PPL: variants seen among roughly 807,000 people sequenced by gnomAD.
PPL encodes the protein 190 kDa paraneoplastic pemphigus antigen.
PPL carries 198 observed loss-of-function variants against 194.4 expected under a neutral mutation model. The observed-to-expected ratio is 1.02, with a 90% CI of 0.91 to 1.15. The LOEUF is 1.15. Among genes scored for constraint, PPL ranks in the 50% most tolerant of loss-of-function variants. The pLI, the probability that PPL is intolerant of heterozygous loss-of-function variation, is 0.00. For missense variants in PPL, 2,885 were observed against 2,294.8 expected, an observed-to-expected ratio of 1.26 and a Z score of -5.25; for synonymous variants, 1,220 against 972.4, an observed-to-expected ratio of 1.25 and a Z score of -4.74.
At chr16:4,936,745 G>A (rs2089304564) in intron 1 of PPL, among the ~76,000 whole-genome samples, 1 of 152,154 alleles carries the variant, frequency 6.6e-6, no homozygotes, top group South Asian at 2.1e-4. Context: ...TGGGCTCCCG[G>A]AGTCCCCTGT....
chr16:4,934,553 A>T (rs1420986377), intron 1 of PPL, among the ~76,000 whole-genome samples: 1 of 152,168 alleles, frequency 6.6e-6, no homozygotes, highest in Non-Finnish European at 1.5e-5. Context: ...TGGAGATGCC[A>T]GGATCAACAG....
chr16:4,936,284 C>T (rs1009564875), intron 1 of PPL, among the ~76,000 whole-genome samples: 15 of 152,210 alleles, frequency 9.9e-5, no homozygotes, highest in Non-Finnish European at 7.4e-5. Context: ...GCCCAACCTC[C>T]GCTCAGAACC....
chr16:4,900,470 TG>T (rs1198445774), intron 6 of PPL, among the ~76,000 whole-genome samples: 3 of 114,852 alleles, frequency 2.6e-5, no homozygotes, highest in Non-Finnish European at 5.5e-5. Context: ...GGCAGGGTTT[TG>T]CTCTGTTTCC....
chr16:4,923,791 T>G (rs2089101307), intron 1 of PPL, among the ~76,000 whole-genome samples: 1 of 152,122 alleles, frequency 6.6e-6, no homozygotes, highest in African/African-American at 2.4e-5. Flanking sequence ...ATAACCCTTA[T>G]AAATGAAAGC....
Position 4,899,241 on chromosome 16 carries a change from G to T in PPL, c.750C>A (p.Ser250Arg). Reference protein sequence around the residue: ...DWSDRNLDYPSRRRQYENFIN... With the variant: ...DWSDRNLDYPRRRRQYENFIN... Reference sequence around the variant, plus strand: ...AACCCACCTCATACTGGCGCCGGCGGCTGGGGTAGTCGAGGTTGCGGTCAC... The same window carrying T: ...AACCCACCTCATACTGGCGCCGGCGTCTGGGGTAGTCGAGGTTGCGGTCAC... The change falls in exon 7 of 22, where the codon AGC becomes AGA. Residue 250 changes from serine (S) to arginine (R), a missense_variant. Coordinates refer to ENST00000345988, the MANE Select transcript of PPL (RefSeq NM_002705.5). 6.2e-7 allele frequency: 1 copy of T among 1,613,914 alleles called. No homozygotes were observed. Among genetic ancestry groups the T allele is most frequent in the South Asian group, 1.1e-5 (1 of 91,076 alleles).
chr16:4,885,008 A>G lies in PPL; in HGVS notation c.3647T>C (p.Leu1216Pro), dbSNP rs778150866. 1 of 1,613,964 alleles carries G rather than the reference A, an allele frequency of 6.2e-7. No individual in the cohort carries two copies. Among genetic ancestry groups the G allele is most frequent in the Non-Finnish European group, 8.5e-7 (1 of 1,180,024 alleles). Residue 1216 changes from leucine (L) to proline (P), a missense_variant, in exon 22 of 22, where the codon CTG becomes CCG. By Grantham distance (98) the Leu-to-Pro change is moderately conservative. Transcript: ENST00000345988. The surrounding 1 kb of genome is among the most constrained non-coding windows in gnomAD (Gnocchi z 6.3). The part of the protein sequence containing the change: ...EEQLRSYQSE[L>P]EALRRRGPQV... ...GGGGCCTCGCCTCCTGAGGGCCTCC[A>G]GCTCACTCTGGTAGCTCCGGAGCTG...
At chr16:4,926,878 C>CA (rs71402575) in intron 1 of PPL, among the ~76,000 whole-genome samples, 1,771 of 81,736 alleles carry the variant, frequency 0.022, 65 homozygotes, top group African/African-American at 0.059. Flanking sequence ...GACTCTGTCT[C>CA]AAAAAAAAAA....
intron 1 of PPL, among the ~76,000 whole-genome samples, chr16:4,913,877 G>A (rs947563368): frequency 2.0e-5 from 3 of 152,176 alleles, no homozygotes; most frequent in African/African-American, 7.2e-5. Context: ...CCTGCTGTGT[G>A]CGGGCCCTGC....
intron 1 of PPL, among the ~76,000 whole-genome samples, chr16:4,914,169 G>A (rs563958169): frequency 2.3e-4 from 35 of 152,326 alleles, no homozygotes; most frequent in African/African-American, 8.2e-4. Context: ...ACGTCCCGTG[G>A]GGTGGGCCAG....
intron 2 of PPL, 46 bp downstream of exon 2, chr16:4,910,804 T>A (rs1228474132): frequency 1.3e-6 from 2 of 1,507,094 alleles, no homozygotes; most frequent in South Asian, 2.2e-5. Flanking sequence ...TGAACAGGGC[T>A]GGCAGCACGG....
rs751772237 is a variant in PPL at position 4,885,877 on chromosome 16, C to T, written c.2778G>A (p.Gln926=). 1.4e-5 allele frequency: 23 copies of T among 1,609,324 alleles called. No individual in the cohort carries two copies. Among genetic ancestry groups the T allele is most frequent in the Non-Finnish European group, 1.9e-5 (23 of 1,180,018 alleles). The change falls in exon 22 of 22, where the codon CAG becomes CAA. Residue 926 remains glutamine (Q), a synonymous_variant. Transcript: ENST00000345988. The surrounding 1 kb of genome is among the most constrained non-coding windows in gnomAD (Gnocchi z 6.3). ...TCCTCACCACCGATTCCTGAGGCCC[C>T]TGATTCCTCAAGGTCCAGATTTCTT... ...TQEEIWTLRN[Q]GPQESVVRKE...
chr16:4,918,701 C>T (rs1285499745), intron 1 of PPL, among the ~76,000 whole-genome samples: 7 of 152,184 alleles, frequency 4.6e-5, no homozygotes, highest in African/African-American at 4.8e-5. Context: ...TCCAGGCCTC[C>T]GGAAGCACAG....
chr16:4,926,338 T>C (rs1478609361), intron 1 of PPL, among the ~76,000 whole-genome samples: 1 of 152,138 alleles, frequency 6.6e-6, no homozygotes, highest in African/African-American at 2.4e-5. Flanking sequence ...CTTTGTCATC[T>C]CTCTGCCCCT....
chr16:4,931,882 C>G (rs545729880), intron 1 of PPL, among the ~76,000 whole-genome samples: 2 of 152,234 alleles, frequency 1.3e-5, no homozygotes, highest in Non-Finnish European at 2.9e-5. Flanking sequence ...AAGCTCAGCT[C>G]TGTCCTGAAT....
At chr16:4,925,855 C>G (rs915974914) in intron 1 of PPL, among the ~76,000 whole-genome samples, 1 of 152,184 alleles carries the variant, frequency 6.6e-6, no homozygotes. Context: ...CAAGAGACAT[C>G]GGAGAGACAG....
chr16:4,934,628 T>G (rs1052979065), intron 1 of PPL, among the ~76,000 whole-genome samples: 1 of 151,998 alleles, frequency 6.6e-6, no homozygotes, highest in African/African-American at 2.4e-5. Flanking sequence ...ACCAGCAATT[T>G]TGTCCTCCCC....
chr16:4,922,339 G>A (rs983878264), intron 1 of PPL, among the ~76,000 whole-genome samples: 1 of 152,154 alleles, frequency 6.6e-6, no homozygotes, highest in Non-Finnish European at 1.5e-5. Flanking sequence ...ACCATCCAGG[G>A]ATTTAGGCTC....
intron 19 of PPL, 52 bp downstream of exon 19, chr16:4,888,926 G>T (rs963432303): frequency 7.7e-6 from 12 of 1,560,374 alleles, no homozygotes; most frequent in Admixed American, 1.7e-5. Flanking sequence ...CCAGGGCACG[G>T]TGGAATAAGA....
In PPL at chr16:4,920,345, G is replaced by GAAAGAAAGAAAGAAAGAAAGAAAGAA. The variant is rs1555523880; in HGVS notation, c.63-9397_63-9396insTTCTTTCTTTCTTTCTTTCTTTCTTT. Among the ~76,000 whole-genome samples, 87 of 25,170 alleles carry GAAAGAAAGAAAGAAAGAAAGAAAGAA rather than the reference G, an allele frequency of 3.5e-3. 4 individuals are homozygous for GAAAGAAAGAAAGAAAGAAAGAAAGAA. Among genetic ancestry groups the GAAAGAAAGAAAGAAAGAAAGAAAGAA allele is most frequent in the Middle Eastern group, 0.033 (1 of 30 alleles). 16.5% of individuals were successfully genotyped at this position (25,170 alleles called of 152,430 possible). ...AAAGAAAGAAAGAAAGAGAGAGAGA[G>GAAAGAAAGAAAGAAAGAAAGAAAGAA]AGAAAGAAAGAAAGAAAGAAAGAAA... On this transcript the variant is annotated intron_variant, in intron 1 of 21. Coordinates refer to ENST00000345988, the MANE Select transcript of PPL (RefSeq NM_002705.5).
Sources: gnomAD v4.1 joint callset for allele counts (sites outside exome capture counted in the v4.1 genomes callset) on GRCh38, gnomAD v4.1.1 for gene constraint, Gnocchi (gnomAD v3.1) non-coding constraint, MANE v1.5 for transcripts, NCBI Gene and HGNC (gene_info 2026-07-23, HGNC 2026-07-21) for gene names.